Variants in SEMA6D observed in about 807,000 individuals in gnomAD.
SEMA6D encodes the protein semaphorin 6D.
Under a neutral mutation model 106.6 loss-of-function variants are expected in SEMA6D, and 35 were observed. The observed-to-expected ratio is 0.33, with a 90% CI of 0.25 to 0.44. SEMA6D has a LOEUF of 0.44. Among genes scored for constraint, SEMA6D ranks in the 20% least tolerant of loss-of-function variants. SEMA6D has a pLI of 1.00. For synonymous variants in SEMA6D, 499 were observed against 487.7 expected (o/e 1.02, Z -0.31); for missense variants, 1,185 against 1,345.9 (o/e 0.88, Z 1.87).
chr15:47,765,456 T>C (rs1467507284), intron 13 of SEMA6D: 5 of 989,214 alleles, frequency 5.1e-6, no homozygotes, highest in Middle Eastern at 4.9e-4. Flanking sequence ...CTATCTTTAA[T>C]AAGTAAGAGA....
intron 3 of SEMA6D, among the ~76,000 whole-genome samples, chr15:47,551,631 A>C (rs903519746): frequency 2.0e-5 from 3 of 148,098 alleles, no homozygotes; most frequent in Non-Finnish European, 4.5e-5. Context: ...CTTGACTGAT[A>C]TGCCTAGCCC....
chr15:47,334,343 G>C (rs1031361305), intron 1 of SEMA6D, among the ~76,000 whole-genome samples: 2 of 152,110 alleles, frequency 1.3e-5, no homozygotes, highest in African/African-American at 4.8e-5. Flanking sequence ...CCCAAAGTGG[G>C]GTTTATGGGA....
intron 17 of SEMA6D, 103 bp from the exon 18 acceptor site, chr15:47,768,478 C>T (rs2082461310): frequency 9.7e-7 from 1 of 1,030,358 alleles, no homozygotes; most frequent in South Asian, 2.4e-5. Context: ...CTAGAGCAAA[C>T]TTTCTCATAA....
chr15:47,757,846 AG>A (rs1228085145), intron 1 of SEMA6D, among the ~76,000 whole-genome samples: 1 of 152,158 alleles, frequency 6.6e-6, no homozygotes, highest in Non-Finnish European at 1.5e-5. Context: ...ATGGGTAGAG[AG>A]GTCTAACTTT....
chr15:47,567,366 A>C (rs2046258755), intron 3 of SEMA6D, among the ~76,000 whole-genome samples: 1 of 152,228 alleles, frequency 6.6e-6, no homozygotes, highest in Non-Finnish European at 1.5e-5. Flanking sequence ...TGCATATTCA[A>C]ATAAATAAAC....
chr15:47,565,305 A>G (rs1207886472), intron 3 of SEMA6D, among the ~76,000 whole-genome samples: 2 of 152,122 alleles, frequency 1.3e-5, no homozygotes, highest in African/African-American at 2.4e-5. Context: ...ACTCACCTGC[A>G]CACTCCCTCC....
intron 1 of SEMA6D, among the ~76,000 whole-genome samples, chr15:47,344,070 A>C (rs1262254523): frequency 6.6e-6 from 1 of 152,206 alleles, no homozygotes; most frequent in Non-Finnish European, 1.5e-5. Context: ...ATCATTAAAA[A>C]GTCAGGAAAC....
At chr15:47,757,110 C>T (rs527543666) in intron 1 of SEMA6D, among the ~76,000 whole-genome samples, 1 of 152,008 alleles carries the variant, frequency 6.6e-6, no homozygotes, top group Non-Finnish European at 1.5e-5. Context: ...ATCCTCAGCC[C>T]CAGTGCTGGG....
At chr15:47,272,287 A>G (rs958167506) in intron 1 of SEMA6D, among the ~76,000 whole-genome samples, 1 of 152,208 alleles carries the variant, frequency 6.6e-6, no homozygotes, top group African/African-American at 2.4e-5. Context: ...TATTTTTCCC[A>G]TAGTAGGGGA....
At chr15:47,342,147 A>G (rs2037843220) in intron 1 of SEMA6D, among the ~76,000 whole-genome samples, 3 of 152,188 alleles carry the variant, frequency 2.0e-5, no homozygotes, top group Non-Finnish European at 1.5e-5. Context: ...AAACAGTACA[A>G]GGAAACTAGA....
rs1254898875 is a variant in SEMA6D at position 47,407,408 on chromosome 15, ACAAAAAAAAC to A, written c.-238-4984_-238-4975del. 1.9e-4 allele frequency among the ~76,000 whole-genome samples: 27 copies of A among 142,822 alleles called. 2 individuals are homozygous for A. Among genetic ancestry groups the A allele is most frequent in the Non-Finnish European group, 3.1e-4 (20 of 65,054 alleles). The allele number at this position is 142,822 out of a possible 152,430, so 93.7% of individuals were successfully genotyped here. ...AAAAACCAAAACAACAACAACAACA[ACAAAAAAAAC>A]AAAAAAAACAAACAAAAATACTTAA... is the stretch of plus-strand genomic sequence containing the variant. On this transcript the variant is annotated intron_variant, in intron 1 of 19. Coordinates refer to the SEMA6D transcript ENST00000558014.
intron 1 of SEMA6D, among the ~76,000 whole-genome samples, chr15:47,212,125 T>C (rs1405804572): frequency 6.6e-6 from 1 of 152,104 alleles, no homozygotes; most frequent in Non-Finnish European, 1.5e-5. Context: ...ATTCACCCAA[T>C]CCCCAGCAAA....
At chr15:47,357,544 T>C (rs1383646637) in intron 1 of SEMA6D, among the ~76,000 whole-genome samples, 1 of 152,028 alleles carries the variant, frequency 6.6e-6, no homozygotes, top group Non-Finnish European at 1.5e-5. Context: ...ACTGAAGAAT[T>C]TGGAGTCTGA....
chr15:47,562,962 A>G (rs1157504861), intron 3 of SEMA6D, among the ~76,000 whole-genome samples: 1 of 152,198 alleles, frequency 6.6e-6, no homozygotes, highest in African/African-American at 2.4e-5. Context: ...GCATAAACAC[A>G]AGATGGTATA....
At chr15:47,473,845 G>A (rs1015017898) in intron 3 of SEMA6D, among the ~76,000 whole-genome samples, 2 of 151,788 alleles carry the variant, frequency 1.3e-5, no homozygotes, top group Non-Finnish European at 2.9e-5. Context: ...TTTCCCCTTG[G>A]ACTCTTAAAA....
chr15:47,707,955 T>C (rs1426442607), intron 4 of SEMA6D, among the ~76,000 whole-genome samples: 1 of 152,160 alleles, frequency 6.6e-6, no homozygotes, highest in African/African-American at 2.4e-5. Context: ...ATCTCCCACA[T>C]CCCCTTCCCT....
At chr15:47,658,598 A>G (rs1040938776) in intron 4 of SEMA6D, among the ~76,000 whole-genome samples, 6 of 152,216 alleles carry the variant, frequency 3.9e-5, no homozygotes, top group Non-Finnish European at 5.9e-5. Context: ...CTTGTGTCCA[A>G]TTTTGGTGTT....
intron 4 of SEMA6D, among the ~76,000 whole-genome samples, chr15:47,683,119 G>A (rs957975926): frequency 2.0e-5 from 3 of 152,164 alleles, no homozygotes; most frequent in African/African-American, 7.2e-5. Flanking sequence ...TAGATAAATT[G>A]CATAATTGTG....
intron 1 of SEMA6D, among the ~76,000 whole-genome samples, chr15:47,248,422 C>T (rs1245619198): frequency 6.6e-6 from 1 of 152,116 alleles, no homozygotes; most frequent in Non-Finnish European, 1.5e-5. Flanking sequence ...TGGTCATTCC[C>T]CGTCCTACAG....
Sources: gnomAD v4.1 joint callset for allele counts (sites outside exome capture counted in the v4.1 genomes callset) on GRCh38, gnomAD v4.1.1 for gene constraint, MANE v1.5 for transcripts, NCBI Gene and HGNC (gene_info 2026-07-23, HGNC 2026-07-21) for gene names.